Variants in ENOSF1 observed in about 807,000 individuals in gnomAD.
ENOSF1 encodes mitochondrial enolase superfamily member 1.
In ENOSF1, 73 loss-of-function variants were observed where a neutral mutation model predicts 68.2. The observed-to-expected ratio is 1.07, with a 90% CI of 0.89 to 1.30. The LOEUF is 1.30. ENOSF1 is among the 50% of genes most tolerant of loss of function. The probability of loss-of-function intolerance (pLI) is 0.00; values close to 1 mark genes in which losing one functional copy is unlikely to be tolerated. For synonymous variants in ENOSF1, 223 were observed against 210.4 expected, an observed-to-expected ratio of 1.06 and a Z score of -0.52; for missense variants, 589 against 554.5, an observed-to-expected ratio of 1.06 and a Z score of -0.62.
intron 15 of ENOSF1, 149 bp downstream of exon 15, chr18:675,172 T>C: frequency 1.5e-6 from 1 of 676,186 alleles, no homozygotes; most frequent in African/African-American, 1.8e-5. Context: ...CCTGAGGATT[T>C]TGATACAGAC....
At chr18:670,053 T>A (rs1001622466), downstream of ENOSF1, among the ~76,000 whole-genome samples, 2 of 150,662 alleles carry the variant, frequency 1.3e-5, no homozygotes, top group Admixed American at 6.6e-5. Context: ...TTATTTTTTT[T>A]TTTTTTTTGA....
chr18:674,976 A>G (rs1303302598), intron 15 of ENOSF1, among the ~76,000 whole-genome samples: 1 of 152,248 alleles, frequency 6.6e-6, no homozygotes, highest in Non-Finnish European at 1.5e-5. Context: ...TCTCTTGAAC[A>G]TGATCAGAAT....
chr18:667,346 A>T (rs745539058), downstream of ENOSF1, among the ~76,000 whole-genome samples: 31 of 8,600 alleles, frequency 3.6e-3, 1 homozygote, highest in East Asian at 0.031. Flanking sequence ...ATGGTGATGG[A>T]GATGGTGATG....
At chr18:692,985 C>T (rs889007127) in intron 5 of ENOSF1, 57 of 1,175,366 alleles carry the variant, frequency 4.8e-5, no homozygotes, top group Non-Finnish European at 5.4e-5. Flanking sequence ...TTGTGGATCA[C>T]GAGGTTTTTA....
At chr18:690,759 C>T in intron 7 of ENOSF1, 128 bp from the exon 8 acceptor site, 1 of 1,244,386 alleles carries the variant, frequency 8.0e-7, no homozygotes, top group Non-Finnish European at 1.0e-6. Flanking sequence ...CACACACACA[C>T]CCAGCCACAA....
chr18:699,772 A>G (rs1190222741), intron 2 of ENOSF1, among the ~76,000 whole-genome samples: 1 of 152,182 alleles, frequency 6.6e-6, no homozygotes, highest in Non-Finnish European at 1.5e-5. Flanking sequence ...AGATCTTGAG[A>G]AGGACAGTTT....
intron 14 of ENOSF1, among the ~76,000 whole-genome samples, chr18:677,080 G>C (rs2075588857): frequency 6.6e-6 from 1 of 152,220 alleles, no homozygotes; most frequent in Non-Finnish European, 1.5e-5. Flanking sequence ...ACAGGAGCTG[G>C]TTAAGGGAGT....
At chr18:696,275 G>A (rs1225250300) in intron 3 of ENOSF1, among the ~76,000 whole-genome samples, 1 of 142,626 alleles carries the variant, frequency 7.0e-6, no homozygotes, top group African/African-American at 2.7e-5. Flanking sequence ...GCAGTGGTGC[G>A]ATCTCGGCTC....
intron 2 of ENOSF1, among the ~76,000 whole-genome samples, chr18:704,440 G>GAAAAGAAAAA (rs1555671902): frequency 1.0e-5 from 1 of 97,254 alleles, no homozygotes; most frequent in Non-Finnish European, 2.0e-5. Flanking sequence ...AAAAAGAAAA[G>GAAAAGAAAAA]AAAAAAAAAA....
rs774638093 is a variant in ENOSF1, at chr18:670,849, G to C, written c.*3456C>G. On this transcript the variant is annotated 3_prime_UTR_variant, in exon 16 of 16. Coordinates refer to ENST00000647584, the MANE Select transcript of ENOSF1 (RefSeq NM_017512.7). ...ACGCCCTGCTCACGTACATGATTGC[G>C]CACATCACGGGCCTGAAGGTGGGCT... is the stretch of plus-strand genomic sequence containing the variant. The C allele has an allele frequency of 6.2e-7, 1 of 1,613,882 alleles. No individual in the cohort carries two copies. Among genetic ancestry groups the C allele is most frequent in the Non-Finnish European group, 8.5e-7 (1 of 1,179,996 alleles).
chr18:677,232 A>G, intron 14 of ENOSF1, 113 bp downstream of exon 14: 1 of 836,464 alleles, frequency 1.2e-6, no homozygotes, highest in Non-Finnish European at 1.9e-6. Context: ...GTTATAGGAC[A>G]TGCCAGCGGA....
intron 2 of ENOSF1, among the ~76,000 whole-genome samples, chr18:699,070 G>A (rs2078049114): frequency 6.6e-6 from 1 of 152,068 alleles, no homozygotes; most frequent in Admixed American, 6.6e-5. Flanking sequence ...GCAGTGGGTG[G>A]GGAGGTTCTG....
Position 681,235 on chromosome 18 carries a change from C to G in ENOSF1, c.876+2011G>C, listed in dbSNP as rs796125136. On this transcript the variant is annotated intron_variant, in intron 11 of 15. Coordinates refer to ENST00000647584, the MANE Select transcript of ENOSF1 (RefSeq NM_017512.7). ...GCTGCATCCTCTGAGTGGACAGACC[C>G]CATAATCCAGCCCCACGTGGCAGCC... 2.0e-4 allele frequency among the ~76,000 whole-genome samples: 30 copies of G among 152,290 alleles called. 1 individual carries two copies. The highest frequency in any genetic ancestry group is 7.2e-4 in the African/African-American group (30 of 41,552).
chr18:700,655 C>T (rs995239020), intron 2 of ENOSF1, among the ~76,000 whole-genome samples: 36 of 151,936 alleles, frequency 2.4e-4, no homozygotes, highest in Admixed American at 4.6e-4. Context: ...GAGGCTGAGG[C>T]GGGCGGATCA....
downstream of ENOSF1, among the ~76,000 whole-genome samples, chr18:667,533 GGT>G (rs1244240322): frequency 1.5e-4 from 13 of 85,386 alleles, 5 homozygotes; most frequent in African/African-American, 8.5e-4. Flanking sequence ...TGATGGAGAT[GGT>G]GATGGTGATG....
the ENOSF1 span, among the ~76,000 whole-genome samples, chr18:663,874 A>G: frequency 1.8e-5 from 2 of 110,374 alleles, no homozygotes; most frequent in African/African-American, 4.9e-5. Flanking sequence ...CCATTGATCT[A>G]TATGTCTGTT....
At chr18:703,341 A>G (rs1432476718) in intron 2 of ENOSF1, among the ~76,000 whole-genome samples, 2 of 151,798 alleles carry the variant, frequency 1.3e-5, no homozygotes, top group Non-Finnish European at 2.9e-5. Flanking sequence ...AAGTCAGCAA[A>G]GTTTAAAGTC....
At chr18:667,094 GA>G (rs1363506765), downstream of ENOSF1, among the ~76,000 whole-genome samples, 4 of 69,006 alleles carry the variant, frequency 5.8e-5, no homozygotes, top group Non-Finnish European at 1.1e-4. Context: ...GATGGTGATG[GA>G]GATGGAGATG....
At chr18:669,497 C>T, downstream of ENOSF1, 1 of 207,666 alleles carries the variant, frequency 4.8e-6, no homozygotes, top group Non-Finnish European at 9.9e-6. Flanking sequence ...CTCAGCCTCC[C>T]AAGTAGCTGG....
Sources: allele counts gnomAD v4.1 joint callset (sites outside exome capture counted in the v4.1 genomes callset), GRCh38; gene constraint gnomAD v4.1.1; transcripts MANE v1.5; gene names NCBI Gene and HGNC (gene_info 2026-07-23, HGNC 2026-07-21).